LITAF: variants seen among roughly 807,000 people sequenced by gnomAD.
LITAF encodes lipopolysaccharide induced TNF factor.
LITAF carries 9 observed loss-of-function variants against 14.5 expected under a neutral mutation model. That is an observed-to-expected ratio of 0.62 (90% CI 0.37 to 1.08). LITAF has a LOEUF of 1.08. Ranked by LOEUF, LITAF falls within the 50% of genes least tolerant of loss-of-function variation. LITAF has a pLI of 0.01. For missense variants in LITAF, 206 were observed against 213.4 expected (o/e 0.97, Z 0.22); for synonymous variants, 98 against 88.2 (o/e 1.11, Z -0.62).
chr16:11,621,520 A>C (rs1169015363), intron 3 of LITAF, among the ~76,000 whole-genome samples: 3 of 152,102 alleles, frequency 2.0e-5, no homozygotes, highest in Non-Finnish European at 4.4e-5. Flanking sequence ...ATGACTTTCT[A>C]CTTGAAGTTT....
chr16:11,591,731 C>G (rs1359068108), upstream of LITAF, among the ~76,000 whole-genome samples: 3 of 152,148 alleles, frequency 2.0e-5, no homozygotes, highest in African/African-American at 7.2e-5. Flanking sequence ...ACATTCACTT[C>G]CCAAGTTCAA....
intron 3 of LITAF, among the ~76,000 whole-genome samples, chr16:11,623,033 G>A (rs954221427): frequency 6.7e-6 from 1 of 150,364 alleles, no homozygotes; most frequent in African/African-American, 2.4e-5. Flanking sequence ...GCGTGATCTC[G>A]GCTCACTGCA....
chr16:11,591,532 C>T (rs10852337), upstream of LITAF, among the ~76,000 whole-genome samples: 114,234 of 152,072 alleles, frequency 0.75, 44,047 homozygotes, highest in African/African-American at 0.93. Flanking sequence ...GTAATCAAAG[C>T]ATGTGGTTCT....
intron 3 of LITAF, among the ~76,000 whole-genome samples, chr16:11,610,304 A>C (rs2064975655): frequency 6.6e-6 from 1 of 152,262 alleles, no homozygotes; most frequent in African/African-American, 2.4e-5. Flanking sequence ...CGCAGGCTCC[A>C]GGCCAAGAAT....
intron 1 of LITAF, among the ~76,000 whole-genome samples, chr16:11,576,554 A>AAAAAAAAAAAAAAAAAAAAAAAAAAAGAC (rs1555469756): frequency 6.0e-5 from 7 of 116,654 alleles, no homozygotes; most frequent in African/African-American, 2.3e-4. Flanking sequence ...AAAAAAAAAA[A>AAAAAAAAAAAAAAAAAAAAAAAAAAAGAC]AGAGAGAGAG....
chr16:11,617,371 A>C (rs13338683), intron 3 of LITAF, among the ~76,000 whole-genome samples: 5,558 of 150,816 alleles, frequency 0.037, 368 homozygotes, highest in African/African-American at 0.13. Context: ...ATTCTGTCTT[A>C]TCAAGTTCTG....
At chr16:11,577,292 G>C (rs1447096032) in intron 1 of LITAF, among the ~76,000 whole-genome samples, 2 of 151,532 alleles carry the variant, frequency 1.3e-5, no homozygotes, top group Non-Finnish European at 2.9e-5. Flanking sequence ...GGGTATCTAT[G>C]GCATCAGCTC....
chr16:11,609,506 G>C (rs2141876028), intron 3 of LITAF, among the ~76,000 whole-genome samples: 1 of 152,286 alleles, frequency 6.6e-6, no homozygotes, highest in East Asian at 1.9e-4. Flanking sequence ...GAGCCACCGT[G>C]CCCGGCCTGA....
intron 3 of LITAF, among the ~76,000 whole-genome samples, chr16:11,614,480 A>G (rs1480169378): frequency 6.6e-6 from 1 of 151,758 alleles, no homozygotes; most frequent in Non-Finnish European, 1.5e-5. Context: ...TTGTATTTTT[A>G]GTAGAGATGG....
intron 1 of LITAF, among the ~76,000 whole-genome samples, chr16:11,566,727 G>C (rs766869024): frequency 1.8e-4 from 27 of 151,996 alleles, no homozygotes; most frequent in Non-Finnish European, 3.4e-4. Flanking sequence ...AGCTATAATA[G>C]TGCCACTGCA....
intron 3 of LITAF, among the ~76,000 whole-genome samples, chr16:11,626,022 T>C (rs1042404586): frequency 6.6e-6 from 1 of 152,106 alleles, no homozygotes; most frequent in African/African-American, 2.4e-5. Flanking sequence ...GGGAGTCAAT[T>C]CCAGATCCCA....
At position 11,552,800 on chromosome 16, in the gene LITAF, C is replaced by G. The variant is rs1044507646; in HGVS notation, c.377+733G>C. Among the ~76,000 whole-genome samples the G allele has an allele frequency of 3.3e-5, 5 of 152,218 alleles. No homozygotes were observed. The East Asian group carries it at 5.8e-4, about 18-fold the overall frequency. ...ATGCTATTCAATATCCTACAATGCACAGGACACCCCCTACAATAAAGAAAT... is the reference window on the plus strand; with the variant it reads ...ATGCTATTCAATATCCTACAATGCAGAGGACACCCCCTACAATAAAGAAAT... On this transcript the variant is annotated intron_variant, in intron 3 of 3. Transcript: ENST00000622633.
intron 1 of LITAF, among the ~76,000 whole-genome samples, chr16:11,563,917 T>C (rs2064412191): frequency 6.6e-6 from 1 of 151,970 alleles, no homozygotes; most frequent in Non-Finnish European, 1.5e-5. Context: ...TTGCTTGTGT[T>C]TTTGTTTGAG....
upstream of LITAF, chr16:11,587,627 G>A (rs571441277): frequency 1.7e-4 from 41 of 235,064 alleles, no homozygotes; most frequent in African/African-American, 9.1e-4. Flanking sequence ...AGGGTGGTCC[G>A]TGCCGCCAGG....
chr16:11,593,620 C>T (rs754248129), intron 1 of LITAF, among the ~76,000 whole-genome samples: 2 of 152,132 alleles, frequency 1.3e-5, no homozygotes, highest in Non-Finnish European at 2.9e-5. Flanking sequence ...CAAAAATGTA[C>T]TATATCTCTA....
At chr16:11,601,034 G>T (rs75360533), upstream of LITAF, among the ~76,000 whole-genome samples, 2 of 151,852 alleles carry the variant, frequency 1.3e-5, no homozygotes, top group Non-Finnish European at 2.9e-5. Flanking sequence ...GAAAAATCCC[G>T]CATCACCGGC....
chr16:11,557,439 T>C (rs1438325720), intron 1 of LITAF, among the ~76,000 whole-genome samples: 1 of 152,034 alleles, frequency 6.6e-6, no homozygotes, highest in East Asian at 1.9e-4. Context: ...TGTATGTGTG[T>C]TATAGTTTTG....
chr16:11,610,365 T>G (rs1022849844), intron 3 of LITAF, among the ~76,000 whole-genome samples: 26 of 151,718 alleles, frequency 1.7e-4, no homozygotes, highest in Admixed American at 1.4e-3. Context: ...GGTTGGAGGG[T>G]TGGTGGGGGT....
chr16:11,628,024 A>C (rs1038637157), intron 3 of LITAF, among the ~76,000 whole-genome samples: 76 of 151,590 alleles, frequency 5.0e-4, no homozygotes, highest in Middle Eastern at 3.4e-3. Context: ...AAAAAAAAAA[A>C]AAAAAAAAAC....
Sources: gnomAD v4.1 joint callset for allele counts (sites outside exome capture counted in the v4.1 genomes callset) on GRCh38, gnomAD v4.1.1 for gene constraint, MANE v1.5 for transcripts, NCBI Gene and HGNC (gene_info 2026-07-23, HGNC 2026-07-21) for gene names.